PRMT8: variants seen among roughly 807,000 people sequenced by gnomAD.
The protein encoded by PRMT8 is protein arginine methyltransferase 8.
In PRMT8, 7 loss-of-function variants were observed where a neutral mutation model predicts 47.1. That is an observed-to-expected ratio of 0.15 (90% CI 0.08 to 0.28). The LOEUF (loss-of-function observed/expected upper bound fraction) is 0.28. PRMT8 is among the 10% of genes least tolerant of loss of function. The pLI, the probability that PRMT8 is intolerant of heterozygous loss-of-function variation, is 1.00. For synonymous variants in PRMT8, 188 were observed against 186.5 expected (o/e 1.01, Z -0.07); for missense variants, 237 against 505.4 (o/e 0.47, Z 5.09).
chr12:3,517,062 C>T (rs1865804244), intron 1 of PRMT8, among the ~76,000 whole-genome samples: 1 of 152,198 alleles, frequency 6.6e-6, no homozygotes, highest in African/African-American at 2.4e-5. Context: ...AAAGCCCCTA[C>T]CCAACAATCA....
chr12:3,549,830 G>A (rs1339081968), intron 2 of PRMT8, 106 bp from the exon 3 acceptor site: 31 of 1,270,856 alleles, frequency 2.4e-5, no homozygotes, highest in South Asian at 7.2e-5. Context: ...TGATATTATC[G>A]GGTCTCCTGA....
At chr12:3,394,328 T>TA (rs751679330) in intron 1 of PRMT8, among the ~76,000 whole-genome samples, 39 of 152,356 alleles carry the variant, frequency 2.6e-4, no homozygotes, top group South Asian at 8.3e-4. Flanking sequence ...GCCCACTCAG[T>TA]ATGATATTGG....
intron 1 of PRMT8, among the ~76,000 whole-genome samples, chr12:3,528,928 A>G (rs1865985169): frequency 6.6e-6 from 1 of 152,220 alleles, no homozygotes; most frequent in Admixed American, 6.5e-5. Context: ...TTCATGAATT[A>G]TGAAGTTTTT....
intron 1 of PRMT8, among the ~76,000 whole-genome samples, chr12:3,427,461 T>G (rs1406403935): frequency 6.6e-6 from 1 of 152,166 alleles, no homozygotes; most frequent in Non-Finnish European, 1.5e-5. Flanking sequence ...AATTAACGTT[T>G]TAAAACTTGC....
At chr12:3,534,111 A>G (rs2137157020) in intron 1 of PRMT8, among the ~76,000 whole-genome samples, 1 of 152,298 alleles carries the variant, frequency 6.6e-6, no homozygotes, top group Non-Finnish European at 1.5e-5. Flanking sequence ...GCCTCCTGCC[A>G]CCCCTACTCT....
intron 1 of PRMT8, among the ~76,000 whole-genome samples, chr12:3,480,759 T>G (rs1865266646): frequency 6.6e-6 from 1 of 151,980 alleles, no homozygotes; most frequent in Non-Finnish European, 1.5e-5. Flanking sequence ...TTTTAAAGAG[T>G]GCAGGGTGAA....
chr12:3,398,361 C>T (rs1267686838), intron 1 of PRMT8, among the ~76,000 whole-genome samples: 10 of 152,138 alleles, frequency 6.6e-5, no homozygotes, highest in African/African-American at 1.2e-4. Context: ...CAGTGGAGAA[C>T]GCCAAAAATG....
chr12:3,569,137 A>C lies in PRMT8; in HGVS notation c.624+289A>C, dbSNP rs1237135555. The stretch of plus-strand genomic sequence containing the variant: ...GAGTTAAAGGTCCGTTTCGGTCAGC[A>C]AGTACTTAGGACTTGCATGGCTGCC... On this transcript the variant is annotated intron_variant, in intron 5 of 9. Transcript: ENST00000382622. The surrounding 1 kb of genome is among the most constrained non-coding windows in gnomAD (Gnocchi z 8.2). Among the ~76,000 whole-genome samples, 4 of 152,164 alleles carry C rather than the reference A, an allele frequency of 2.6e-5. No individual in the cohort carries two copies. The highest frequency in any genetic ancestry group is 4.4e-5 in the Non-Finnish European group (3 of 68,014).
At chr12:3,465,191 A>T (rs1414867107) in intron 1 of PRMT8, among the ~76,000 whole-genome samples, 1 of 144,130 alleles carries the variant, frequency 6.9e-6, no homozygotes, top group Non-Finnish European at 1.5e-5. Context: ...ATATTTTATA[A>T]ATATAAATAT....
intron 1 of PRMT8, among the ~76,000 whole-genome samples, chr12:3,400,599 A>G (rs1399140490): frequency 3.3e-5 from 5 of 152,174 alleles, no homozygotes; most frequent in African/African-American, 1.2e-4. Context: ...AGCTAGTACC[A>G]TTTTTACTGA....
Position 3,453,632 on chromosome 12 carries a change from G to C in PRMT8, c.48+72190G>C, listed in dbSNP as rs900792331. Among the ~76,000 whole-genome samples the C allele has an allele frequency of 9.2e-5, 14 of 152,306 alleles. No individual in the cohort carries two copies. Among genetic ancestry groups the C allele is most frequent in the African/African-American group, 3.4e-4 (14 of 41,562 alleles). On this transcript the variant is annotated intron_variant, in intron 1 of 9. Transcript: ENST00000452611. The surrounding 1 kb of genome is among the most constrained non-coding windows in gnomAD (Gnocchi z 4.9). ...CAGGAACTGGTGAGCGCGGTCAGGGGACACCCTTAGGAGAGGAGCTTGCCC... is the reference window on the plus strand; with the variant it reads ...CAGGAACTGGTGAGCGCGGTCAGGGCACACCCTTAGGAGAGGAGCTTGCCC...
intron 6 of PRMT8, among the ~76,000 whole-genome samples, chr12:3,574,489 G>A (rs1276824180): frequency 1.3e-5 from 2 of 152,232 alleles, no homozygotes; most frequent in African/African-American, 4.8e-5. Context: ...ATCCTTATAA[G>A]TAAGCCCAGA....
At position 3,397,588 on chromosome 12, in the gene PRMT8, G is replaced by A. The variant is rs556782848; in HGVS notation, c.48+16146G>A. Among the ~76,000 whole-genome samples, 1,136 of 151,710 alleles carry A rather than the reference G, an allele frequency of 7.5e-3. 7 individuals are homozygous for A. The highest frequency in any genetic ancestry group is 0.011 in the Non-Finnish European group (756 of 67,800). On this transcript the variant is annotated intron_variant, in intron 1 of 9. Coordinates refer to the PRMT8 transcript ENST00000452611. ...CCCGTTCTCAGATCTCCAGCTGCGT[G>A]CTGGGAGAACCACTGCTCTCTTCAA... is the stretch of plus-strand genomic sequence containing the variant.
intron 1 of PRMT8, among the ~76,000 whole-genome samples, chr12:3,475,662 A>G (rs890077068): frequency 1.3e-5 from 2 of 150,624 alleles, no homozygotes; most frequent in Non-Finnish European, 3.0e-5. Flanking sequence ...AAGTGGAGGC[A>G]GATTGCAAGG....
Position 3,560,680 on chromosome 12 carries a change from C to T in PRMT8, c.481+6966C>T, listed in dbSNP as rs1866621950. Among the ~76,000 whole-genome samples, 3 of 152,338 alleles carry T rather than the reference C, an allele frequency of 2.0e-5. No individual in the cohort carries two copies. In the South Asian group the frequency reaches 6.2e-4, roughly 32 times the overall value. On this transcript the variant is annotated intron_variant, in intron 4 of 9. Transcript: ENST00000382622. ...ACTCAAGGAAAAAAGCATGCCCCTC[C>T]TTGTCCTTCTCCTACTTTTGCATGA...
chr12:3,582,276 A>T (rs949756918), intron 7 of PRMT8, among the ~76,000 whole-genome samples: 2 of 152,220 alleles, frequency 1.3e-5, no homozygotes, highest in Admixed American at 1.3e-4. Context: ...CCCATGCGAG[A>T]TTGATTTTCA....
intron 1 of PRMT8, among the ~76,000 whole-genome samples, chr12:3,455,444 GCTGCCCTCACTTGTGCT>G (rs1864964200): frequency 6.6e-6 from 1 of 152,144 alleles, no homozygotes; most frequent in Admixed American, 6.5e-5. Flanking sequence ...AGGCGTCGAT[GCTGCCCTCACTTGTGCT>G]CTGCCCTCCT....
At chr12:3,553,492 G>A (rs1472382409) in intron 3 of PRMT8, 159 bp from the exon 4 acceptor site, 1 of 656,348 alleles carries the variant, frequency 1.5e-6, no homozygotes, top group South Asian at 1.8e-5. Context: ...TGAGGTGGGG[G>A]GGCTGGGTTT....
chr12:3,592,974 A>G (rs778962597), intron 9 of PRMT8, 125 bp from the exon 10 acceptor site: 8 of 730,562 alleles, frequency 1.1e-5, no homozygotes, highest in Non-Finnish European at 1.9e-5. Flanking sequence ...CCCCTTAGCC[A>G]GAAAGCCTTA....
Sources: gnomAD v4.1 joint callset for allele counts (sites outside exome capture counted in the v4.1 genomes callset) on GRCh38, gnomAD v4.1.1 for gene constraint, Gnocchi (gnomAD v3.1) non-coding constraint, MANE v1.5 for transcripts, NCBI Gene and HGNC (gene_info 2026-07-23, HGNC 2026-07-21) for gene names.